The following PDGFC variants were observed in gnomAD, a reference collection of about 807,000 sequenced individuals.
PDGFC encodes the protein platelet-derived growth factor C.
Under a neutral mutation model 35.5 loss-of-function variants are expected in PDGFC, and 12 were observed. The observed-to-expected ratio is 0.34, with a 90% CI of 0.22 to 0.55. The LOEUF (loss-of-function observed/expected upper bound fraction) is 0.55, where lower values mean the gene tolerates loss of function less well. Ranked by LOEUF, PDGFC falls within the 20% of genes least tolerant of loss-of-function variation. The pLI is 0.91. For missense variants in PDGFC, 322 were observed against 412.4 expected, an observed-to-expected ratio of 0.78 and a Z score of 1.90; for synonymous variants, 159 against 148.8, an observed-to-expected ratio of 1.07 and a Z score of -0.50.
At chr4:156,874,279 G>A (rs1730056334) in intron 1 of PDGFC, among the ~76,000 whole-genome samples, 1 of 151,930 alleles carries the variant, frequency 6.6e-6, no homozygotes, top group African/African-American at 2.4e-5. Context: ...AAAATTAATA[G>A]ACACCATAAA....
rs185362315 is a variant in PDGFC at position 156,965,864 on chromosome 4, A to C, written c.118+4922T>G. Among the ~76,000 whole-genome samples, 113 of 152,260 alleles carry C rather than the reference A, an allele frequency of 7.4e-4. 1 individual carries two copies. In the East Asian group the frequency reaches 0.017, roughly 23 times the overall value. On this transcript the variant is annotated intron_variant, in intron 1 of 5. Coordinates refer to ENST00000502773, the MANE Select transcript of PDGFC (RefSeq NM_016205.3). ...TATGAACTAAAATTGTCCACAGCTA[A>C]AAGTGTCAAAATGCTTAACAATCAG...
At chr4:156,907,333 C>T (rs1484343356) in intron 1 of PDGFC, among the ~76,000 whole-genome samples, 1 of 152,066 alleles carries the variant, frequency 6.6e-6, no homozygotes, top group African/African-American at 2.4e-5. Context: ...CATTTGCTAA[C>T]AAATGAGTGA....
intron 1 of PDGFC, among the ~76,000 whole-genome samples, chr4:156,860,715 T>A (rs145065115): frequency 2.2e-4 from 34 of 152,276 alleles, no homozygotes; most frequent in African/African-American, 7.9e-4. Context: ...TAATGCATAA[T>A]GTAAGACTTA....
rs1336233345 is a variant in PDGFC at position 156,971,504 on chromosome 4, G to T, written c.-601C>A. The T allele has an allele frequency of 4.8e-6, 1 of 206,532 alleles. No homozygotes were observed. The highest frequency in any genetic ancestry group is 2.4e-5 in the African/African-American group (1 of 42,546). 12.8% of individuals were successfully genotyped at this position (206,532 alleles called of 1,614,324 possible). ...CGGGGCGCCGGAGCGGGGCCGGGGG[G>T]CTCCGGGCCGACGGCGGCCCGGGCG... On this transcript the variant is annotated 5_prime_UTR_variant, in exon 1 of 6. Transcript: ENST00000502773.
At chr4:156,937,993 T>G (rs1731723080) in intron 1 of PDGFC, among the ~76,000 whole-genome samples, 1 of 152,162 alleles carries the variant, frequency 6.6e-6, no homozygotes, top group African/African-American at 2.4e-5. Flanking sequence ...TACAACCTAC[T>G]AAATTAATAT....
At chr4:156,961,915 G>C (rs988446417) in intron 1 of PDGFC, among the ~76,000 whole-genome samples, 3 of 152,092 alleles carry the variant, frequency 2.0e-5, no homozygotes, top group Non-Finnish European at 4.4e-5. Context: ...CAGGAGAGTG[G>C]AACTGAGGCT....
Position 156,762,241 on chromosome 4 carries a change from A to G in PDGFC, c.*849T>C, listed in dbSNP as rs1730396671. 1 of 152,652 alleles carries G rather than the reference A, an allele frequency of 6.6e-6. No homozygotes were observed. Among genetic ancestry groups the G allele is most frequent in the East Asian group, 1.9e-4 (1 of 5,200 alleles). The allele number at this position is 152,652 out of a possible 1,614,324, so 9.5% of individuals were successfully genotyped here. On this transcript the variant is annotated 3_prime_UTR_variant, in exon 6 of 6. Transcript: ENST00000502773. ...CTGGCTATAACAATTGTGTTTAGAAAAATTTACCAAGCTAAAAATAGTTGA... is the reference window on the plus strand; with the variant it reads ...CTGGCTATAACAATTGTGTTTAGAAGAATTTACCAAGCTAAAAATAGTTGA...
chr4:156,822,969 G>A lies in PDGFC; in HGVS notation c.315-11952C>T, dbSNP rs539611029. On this transcript the variant is annotated intron_variant, in intron 2 of 5. Transcript: ENST00000502773. Reference sequence around the variant, plus strand: ...GGCTGGTCTCAAACTCCTGACCTCAGGTGATCTGCCCACCTCAGCCTCCCA... The same window carrying A: ...GGCTGGTCTCAAACTCCTGACCTCAAGTGATCTGCCCACCTCAGCCTCCCA... Among the ~76,000 whole-genome samples, 33 of 152,104 alleles carry A rather than the reference G, an allele frequency of 2.2e-4. No homozygotes were observed. In the East Asian group the frequency reaches 6.1e-3, roughly 28 times the overall value.
At chr4:156,878,753 A>G (rs182640283) in intron 1 of PDGFC, among the ~76,000 whole-genome samples, 152 of 152,294 alleles carry the variant, frequency 1.0e-3, no homozygotes, top group Non-Finnish European at 1.7e-3. Flanking sequence ...CTAACATTAA[A>G]AAAACTTCTC....
Position 156,787,869 on chromosome 4 carries a change from G to C in PDGFC, c.496-14976C>G, listed in dbSNP as rs554214038. Among the ~76,000 whole-genome samples the C allele has an allele frequency of 3.1e-3, 478 of 151,924 alleles. 1 individual carries two copies. The highest frequency in any genetic ancestry group is 0.011 in the African/African-American group (460 of 41,430). On this transcript the variant is annotated intron_variant, in intron 3 of 5. Coordinates refer to ENST00000502773, the MANE Select transcript of PDGFC (RefSeq NM_016205.3). ...TTGCTTGTAATCTCCTTGTGACAGA[G>C]AAAAAAAATTACCATCTAAGAGTGA...
chr4:156,907,259 T>G (rs762459969), intron 1 of PDGFC, among the ~76,000 whole-genome samples: 1 of 152,318 alleles, frequency 6.6e-6, no homozygotes, highest in African/African-American at 2.4e-5. Context: ...ACCACTGTTT[T>G]TATACATGTT....
At chr4:156,791,743 G>A (rs558300262) in intron 3 of PDGFC, among the ~76,000 whole-genome samples, 9 of 152,120 alleles carry the variant, frequency 5.9e-5, no homozygotes, top group African/African-American at 1.9e-4. Flanking sequence ...AGCATCCCAC[G>A]TACCACACTG....
chr4:156,937,166 T>C (rs1031995927), intron 1 of PDGFC, among the ~76,000 whole-genome samples: 21 of 152,176 alleles, frequency 1.4e-4, no homozygotes, highest in African/African-American at 5.1e-4. Flanking sequence ...GCCATAGTGA[T>C]AGAAGGCATT....
chr4:156,901,816 T>A (rs1730793966), intron 1 of PDGFC, among the ~76,000 whole-genome samples: 1 of 152,038 alleles, frequency 6.6e-6, no homozygotes, highest in Non-Finnish European at 1.5e-5. Context: ...TTTTGTCATG[T>A]TGGCAGGCTG....
chr4:156,777,234 A>T (rs1730854174), intron 3 of PDGFC, among the ~76,000 whole-genome samples: 1 of 152,200 alleles, frequency 6.6e-6, no homozygotes, highest in African/African-American at 2.4e-5. Context: ...AAATAGAAGC[A>T]GTATGGTCCT....
chr4:156,878,317 T>C (rs1235447216), intron 1 of PDGFC, among the ~76,000 whole-genome samples: 2 of 152,162 alleles, frequency 1.3e-5, no homozygotes, highest in Admixed American at 6.6e-5. Context: ...GATCCAATCA[T>C]TCCGTGCTTA....
chr4:156,763,319 T>G, intron 5 of PDGFC, 113 bp from the exon 6 acceptor site: 1 of 572,176 alleles, frequency 1.7e-6, no homozygotes, highest in Middle Eastern at 2.9e-4. Context: ...AAGACACATA[T>G]TTTAATTTTT....
chr4:156,822,839 G>GCAACCTTGCAACATTCGCCTC (rs1353392861), intron 2 of PDGFC, among the ~76,000 whole-genome samples: 3 of 151,944 alleles, frequency 2.0e-5, no homozygotes, highest in Admixed American at 6.6e-5. Context: ...TCGGCTCACT[G>GCAACCTTGCAACATTCGCCTC]CAACCTTGCA....
intron 1 of PDGFC, among the ~76,000 whole-genome samples, chr4:156,897,236 G>C (rs770519028): frequency 1.3e-5 from 2 of 151,860 alleles, no homozygotes; most frequent in African/African-American, 2.4e-5. Flanking sequence ...TTAAAGTTGG[G>C]TTTTCTTTAA....
Sources: allele counts gnomAD v4.1 joint callset (sites outside exome capture counted in the v4.1 genomes callset), GRCh38; gene constraint gnomAD v4.1.1; transcripts MANE v1.5; gene names NCBI Gene and HGNC (gene_info 2026-07-23, HGNC 2026-07-21).